The following AFF4 variants were observed in gnomAD, a reference collection of about 807,000 sequenced individuals.
AFF4 encodes ALF transcription elongation factor 4.
A neutral mutation model predicts 124.8 loss-of-function variants in AFF4; 13 were observed. The observed-to-expected ratio is 0.10, with a 90% CI of 0.07 to 0.17. AFF4 has a LOEUF of 0.17. Among genes scored for constraint, AFF4 ranks in the 10% least tolerant of loss-of-function variants. The pLI is 1.00. For synonymous variants in AFF4, 477 were observed against 496.1 expected (o/e 0.96, Z 0.51); for missense variants, 1,092 against 1,403.8 (o/e 0.78, Z 3.55).
chr5:132,885,487 G>A (rs944257540), intron 18 of AFF4, among the ~76,000 whole-genome samples: 1 of 148,046 alleles, frequency 6.8e-6, no homozygotes, highest in African/African-American at 2.5e-5. Context: ...GTGGGTGGGT[G>A]GGGAGAGGGG....
At chr5:132,934,106 C>T in intron 3 of AFF4, 41 bp downstream of exon 3, 2 of 1,564,094 alleles carry the variant, frequency 1.3e-6, no homozygotes, top group Non-Finnish European at 1.7e-6. Context: ...TCAATTGCTT[C>T]ACGTAGTCAC....
chr5:132,899,720 T>G (rs1319084313), intron 7 of AFF4, 79 bp from the exon 8 acceptor site: 1 of 1,315,560 alleles, frequency 7.6e-7, no homozygotes, highest in African/African-American at 1.5e-5. Context: ...CTACTAAAAA[T>G]TCTAGAAATA....
Position 132,878,957 on chromosome 5 carries a change from A to C in AFF4, c.*2102T>G. The C allele has an allele frequency of 4.5e-6, 1 of 221,850 alleles. No homozygotes were observed. The highest frequency in any genetic ancestry group is 9.0e-6 in the Non-Finnish European group (1 of 110,888). The allele number at this position is 221,850 out of a possible 1,614,324, so 13.7% of individuals were successfully genotyped here. ...GAATCCAAGTCAGAAAAATCAGAGA[A>C]GGACAAGACATAACATGTATTTGAT... On this transcript the variant is annotated 3_prime_UTR_variant, in exon 21 of 21. Transcript: ENST00000265343.
intron 1 of AFF4, among the ~76,000 whole-genome samples, chr5:132,953,392 C>T (rs1295803766): frequency 6.6e-6 from 1 of 151,908 alleles, no homozygotes; most frequent in Non-Finnish European, 1.5e-5. Flanking sequence ...GGATGCATGA[C>T]ACCACACCTG....
chr5:132,896,401 A>G lies in AFF4; in HGVS notation c.2229T>C (p.Asn743=). The G allele has an allele frequency of 6.2e-7, 1 of 1,613,660 alleles. No individual in the cohort carries two copies. Among genetic ancestry groups the G allele is most frequent in the Non-Finnish European group, 8.5e-7 (1 of 1,179,928 alleles). ...ETEPPKGEKK[N]VPEKHTREAQ... ...CCTCTCTCGTGTGCTTTTCTGGCACATTTTTCTTTTCCCCCTTGGGCGGCT... is the reference window on the plus strand; with the variant it reads ...CCTCTCTCGTGTGCTTTTCTGGCACGTTTTTCTTTTCCCCCTTGGGCGGCT... The change falls in exon 11 of 21, where the codon AAT becomes AAC. Residue 743 remains asparagine, a synonymous_variant. Transcript: ENST00000265343.
Position 132,892,807 on chromosome 5 carries a change from C to T in AFF4, c.2396+223G>A, listed in dbSNP as rs566909827. Among the ~76,000 whole-genome samples, 4 of 152,152 alleles carry T rather than the reference C, an allele frequency of 2.6e-5. No homozygotes were observed. The East Asian group carries it at 7.7e-4, about 29-fold the overall frequency. On this transcript the variant is annotated intron_variant, in intron 12 of 20. Coordinates refer to ENST00000265343, the MANE Select transcript of AFF4 (RefSeq NM_014423.4). ...ATTCTCCCCCCATACTCACCCCTACCCCAATAAAAAATGAATAAAGGAAGA... is the reference window on the plus strand; with the variant it reads ...ATTCTCCCCCCATACTCACCCCTACTCCAATAAAAAATGAATAAAGGAAGA...
At chr5:132,903,158 GAA>G (rs1281750295) in intron 6 of AFF4, among the ~76,000 whole-genome samples, 2 of 152,098 alleles carry the variant, frequency 1.3e-5, no homozygotes, top group African/African-American at 2.4e-5. Flanking sequence ...GAAACAAAAA[GAA>G]GAGAGAAAAT....
At chr5:132,924,014 G>A (rs927319506) in intron 5 of AFF4, among the ~76,000 whole-genome samples, 1 of 151,756 alleles carries the variant, frequency 6.6e-6, no homozygotes, top group African/African-American at 2.4e-5. Context: ...CCAGCACTTT[G>A]GGAGGCTAAC....
chr5:132,902,577 C>T, intron 6 of AFF4, 90 bp from the exon 7 acceptor site: 1 of 1,008,216 alleles, frequency 9.9e-7, no homozygotes, highest in South Asian at 1.3e-5. Flanking sequence ...AAATGTAAAT[C>T]AAACAATGAA....
At chr5:132,960,378 G>A (rs1434075142) in intron 1 of AFF4, among the ~76,000 whole-genome samples, 3 of 152,250 alleles carry the variant, frequency 2.0e-5, no homozygotes, top group African/African-American at 7.2e-5. Flanking sequence ...CTGGGTCATT[G>A]TCCAGGTGTG....
intron 1 of AFF4, among the ~76,000 whole-genome samples, chr5:132,962,632 G>A (rs545198457): frequency 6.6e-6 from 1 of 152,148 alleles, no homozygotes; most frequent in African/African-American, 2.4e-5. Context: ...TTAACCCCAA[G>A]CACAGGCAGC....
At position 132,877,434 on chromosome 5, in the gene AFF4, CAATTT is replaced by C. The variant is rs1429429629; in HGVS notation, c.*3620_*3624del. The C allele has an allele frequency of 4.6e-6, 1 of 216,024 alleles. No homozygotes were observed. 13.4% of individuals were successfully genotyped at this position (216,024 alleles called of 1,614,324 possible). A position where few individuals can be genotyped will look rare whatever the true frequency, so the allele number is the denominator to read the frequency against. The stretch of plus-strand genomic sequence containing the variant: ...GTGTCAACAAGAAAGTGTCTTAGAT[CAATTT>C]AATAAATAATGTGGAAATAGTTGCA... On this transcript the variant is annotated 3_prime_UTR_variant, in exon 21 of 21. Coordinates refer to ENST00000265343, the MANE Select transcript of AFF4 (RefSeq NM_014423.4).
intron 7 of AFF4, chr5:132,901,079 A>T: frequency 1.0e-6 from 1 of 985,480 alleles, no homozygotes; most frequent in Non-Finnish European, 1.2e-6. Context: ...CAGGGAAAAA[A>T]GAGTTTTCTT....
At position 132,899,097 on chromosome 5, in the gene AFF4, T is replaced by C. The variant is rs984998288; in HGVS notation, c.1226+7A>G. The C allele has an allele frequency of 1.2e-6, 2 of 1,612,702 alleles. No homozygotes were observed. The highest frequency in any genetic ancestry group is 2.7e-5 in the African/African-American group (2 of 74,894). On this transcript the variant is annotated splice_region_variant and intron_variant, in intron 9 of 20. Transcript: ENST00000265343. The stretch of plus-strand genomic sequence containing the variant: ...ACCAATAAAACAGAAAAGAAAAGGA[T>C]GCCCACCTTCCTGGTGTACTCCTCG...
At chr5:132,899,473 A>G in intron 8 of AFF4, 114 bp downstream of exon 8, 1 of 964,476 alleles carries the variant, frequency 1.0e-6, no homozygotes, top group South Asian at 2.2e-5. Flanking sequence ...TCAGTGTCAG[A>G]AAGCTTATAA....
intron 5 of AFF4, among the ~76,000 whole-genome samples, chr5:132,911,033 T>C (rs748668391): frequency 5.9e-5 from 9 of 152,332 alleles, no homozygotes; most frequent in Non-Finnish European, 1.2e-4. Flanking sequence ...TGTTCTATTC[T>C]AAAGCTACTG....
intron 10 of AFF4, 87 bp from the exon 11 acceptor site, chr5:132,897,327 A>G (rs910561361): frequency 3.6e-6 from 5 of 1,386,876 alleles, no homozygotes; most frequent in Non-Finnish European, 5.0e-6. Context: ...GAAGAGGAAA[A>G]ACCACAATGC....
chr5:132,943,737 G>A, intron 1 of AFF4: 1 of 313,854 alleles, frequency 3.2e-6, no homozygotes, highest in Non-Finnish European at 5.9e-6. Flanking sequence ...CTGGTGACAG[G>A]AAAAATGACC....
chr5:132,914,256 A>G lies in AFF4; in HGVS notation c.1051-9852T>C, dbSNP rs183106802. On this transcript the variant is annotated intron_variant, in intron 5 of 20. Transcript: ENST00000265343. Reference sequence around the variant, plus strand: ...ATAAATAAATAAATAAAATAAGAAAATAAGAAAAATCTCAATTAAATGACC... The same window carrying G: ...ATAAATAAATAAATAAAATAAGAAAGTAAGAAAAATCTCAATTAAATGACC... Among the ~76,000 whole-genome samples, 4 of 150,566 alleles carry G rather than the reference A, an allele frequency of 2.7e-5. No individual in the cohort carries two copies. In the East Asian group the frequency reaches 7.9e-4, roughly 30 times the overall value.
Sources: allele counts gnomAD v4.1 joint callset (sites outside exome capture counted in the v4.1 genomes callset), GRCh38; gene constraint gnomAD v4.1.1; transcripts MANE v1.5; gene names NCBI Gene and HGNC (gene_info 2026-07-23, HGNC 2026-07-21).